The following CDK13 variants were observed in gnomAD, a reference collection of about 807,000 sequenced individuals.
The protein encoded by CDK13 is cyclin dependent kinase 13, also known as cyclin-dependent kinase 13.
In CDK13, 40 loss-of-function variants were observed where a neutral mutation model predicts 137.6. The observed-to-expected ratio is 0.29, with a 90% confidence interval of 0.23 to 0.38. CDK13 has a LOEUF of 0.38. Among genes scored for constraint, CDK13 ranks in the 10% least tolerant of loss-of-function variants. The pLI, the probability that CDK13 is intolerant of heterozygous loss-of-function variation, is 1.00. For synonymous variants in CDK13, 869 were observed against 760.1 expected, an observed-to-expected ratio of 1.14 and a Z score of -2.36; for missense variants, 1,704 against 1,951.8, an observed-to-expected ratio of 0.87 and a Z score of 2.39.
At chr7:39,969,752 C>T (rs774534301) in intron 1 of CDK13, among the ~76,000 whole-genome samples, 5 of 151,998 alleles carry the variant, frequency 3.3e-5, no homozygotes, top group Non-Finnish European at 5.9e-5. Context: ...TTTGCAATTC[C>T]CTAATGATAA....
chr7:40,012,905 CTG>C lies in CDK13; in HGVS notation c.2353+10878_2353+10879del, dbSNP rs1784925714. 2.4e-5 allele frequency among the ~76,000 whole-genome samples: 3 copies of C among 126,874 alleles called. No homozygotes were observed. The South Asian group carries it at 8.2e-4, about 35-fold the overall frequency. The allele number at this position is 126,874 out of a possible 152,430, so 83.2% of individuals were successfully genotyped here. On this transcript the variant is annotated intron_variant, in intron 5 of 13. Coordinates refer to ENST00000181839, the MANE Select transcript of CDK13 (RefSeq NM_003718.5). Reference sequence around the variant, plus strand: ...CCAGCCTGGGCGACCAAGTGAGACTCTGTGTCAAAAAAAAAAAAAAAAAGGGA... The same window carrying C: ...CCAGCCTGGGCGACCAAGTGAGACTCTGTCAAAAAAAAAAAAAAAAAGGGA...
rs368067040 is a variant in CDK13, at chr7:39,987,773, A to C, written c.1386A>C (p.Ala462=). 7.6e-5 allele frequency: 122 copies of C among 1,614,034 alleles called. No individual in the cohort carries two copies. Among genetic ancestry groups the C allele is most frequent in the Non-Finnish European group, 9.3e-5 (110 of 1,180,014 alleles). ...ACAAGAATAAAAAAGCACGAGCAGC[A>C]GAGGCAGCAAGAGCCGCAGAAGCAG... ...ELNKNKKARA[A]EAARAAEAAK... Residue 462 remains alanine, a synonymous_variant, in exon 2 of 14, where the codon GCA becomes GCC. Coordinates refer to ENST00000181839, the MANE Select transcript of CDK13 (RefSeq NM_003718.5).
chr7:39,973,714 TTTATAG>T (rs1784048724), intron 1 of CDK13, among the ~76,000 whole-genome samples: 1 of 152,226 alleles, frequency 6.6e-6, no homozygotes, highest in Admixed American at 6.5e-5. Flanking sequence ...TTCTAAAAAT[TTTATAG>T]TTATAGCTCC....
At chr7:40,019,242 T>G (rs1009365854) in intron 5 of CDK13, among the ~76,000 whole-genome samples, 3 of 152,212 alleles carry the variant, frequency 2.0e-5, no homozygotes, top group African/African-American at 4.8e-5. Flanking sequence ...TGAAAACTAT[T>G]TAAGTCATTC....
At chr7:39,965,924 T>G (rs1195230164) in intron 1 of CDK13, among the ~76,000 whole-genome samples, 1 of 152,206 alleles carries the variant, frequency 6.6e-6, no homozygotes, top group Admixed American at 6.5e-5. Flanking sequence ...ATTCTTTTCT[T>G]TAAGAATGTT....
chr7:40,062,815 G>A lies in CDK13; in HGVS notation c.2601-11G>A, dbSNP rs775988284. 17 of 1,573,858 alleles carry A rather than the reference G, an allele frequency of 1.1e-5. No individual in the cohort carries two copies. The South Asian group carries it at 1.8e-4, about 16-fold the overall frequency. On this transcript the variant is annotated splice_polypyrimidine_tract_variant and intron_variant, in intron 7 of 13. Transcript: ENST00000181839. The stretch of plus-strand genomic sequence containing the variant: ...ATACTAACTCTAAAGACTGTTTTCT[G>A]TGTTTTTTAGTCGGCCGTATACTAA...
intron 12 of CDK13, 75 bp from the exon 13 acceptor site, chr7:40,092,710 A>AC: frequency 9.7e-7 from 1 of 1,030,762 alleles, no homozygotes; most frequent in South Asian, 1.4e-5. Flanking sequence ...ATATGGTAAT[A>AC]CAGAGCCATT....
intron 5 of CDK13, among the ~76,000 whole-genome samples, chr7:40,014,676 G>C (rs114663507): frequency 0.039 from 5,962 of 151,798 alleles, 345 homozygotes; most frequent in African/African-American, 0.13. Flanking sequence ...GGCCAGTCTC[G>C]AACTCCTGGG....
chr7:39,972,113 GAA>G (rs1209826171), intron 1 of CDK13, among the ~76,000 whole-genome samples: 3 of 152,140 alleles, frequency 2.0e-5, no homozygotes, highest in African/African-American at 7.2e-5. Context: ...ATGGTTCAGG[GAA>G]ACATGAAGAC....
chr7:39,955,860 G>A (rs1362543179), intron 1 of CDK13, among the ~76,000 whole-genome samples: 1 of 152,042 alleles, frequency 6.6e-6, no homozygotes, highest in Non-Finnish European at 1.5e-5. Flanking sequence ...ATCCGTGCAA[G>A]AAATTATTAT....
chr7:40,033,162 G>A (rs1785414829), intron 5 of CDK13, among the ~76,000 whole-genome samples: 1 of 152,008 alleles, frequency 6.6e-6, no homozygotes, highest in Admixed American at 6.6e-5. Flanking sequence ...CACCATGTTG[G>A]CCTGGCTGAT....
chr7:39,982,486 G>T (rs550458427), intron 1 of CDK13, among the ~76,000 whole-genome samples: 1 of 152,120 alleles, frequency 6.6e-6, no homozygotes, highest in Non-Finnish European at 1.5e-5. Flanking sequence ...ACATGTGCAT[G>T]TGTCTTTATA....
At chr7:39,962,392 A>C (rs142607295) in intron 1 of CDK13, among the ~76,000 whole-genome samples, 6,304 of 152,294 alleles carry the variant, frequency 0.041, 377 homozygotes, top group African/African-American at 0.14. Context: ...ACCAGTGATG[A>C]TGAGCATCTT....
chr7:40,076,108 C>T (rs1415288985), intron 9 of CDK13, among the ~76,000 whole-genome samples: 1 of 152,182 alleles, frequency 6.6e-6, no homozygotes, highest in Non-Finnish European at 1.5e-5. Flanking sequence ...TGTATTTCTG[C>T]ATCTTGAAAG....
At chr7:39,985,548 A>C (rs1353915552) in intron 1 of CDK13, 5 of 152,278 alleles carry the variant, frequency 3.3e-5, no homozygotes, top group African/African-American at 1.2e-4. Flanking sequence ...AGGAACCTCC[A>C]AACTGTTCTT....
chr7:40,057,612 A>G (rs1786048959), intron 7 of CDK13, among the ~76,000 whole-genome samples: 1 of 152,218 alleles, frequency 6.6e-6, no homozygotes, highest in African/African-American at 2.4e-5. Flanking sequence ...AGCTATGAGT[A>G]TCTGCCACGA....
chr7:40,041,185 G>A (rs915223558), intron 5 of CDK13, among the ~76,000 whole-genome samples: 2 of 152,112 alleles, frequency 1.3e-5, no homozygotes, highest in African/African-American at 4.8e-5. Flanking sequence ...AATTAGCCAG[G>A]AGTGGTGGTG....
chr7:39,990,028 C>G (rs1471469588), intron 2 of CDK13, among the ~76,000 whole-genome samples: 1 of 152,224 alleles, frequency 6.6e-6, no homozygotes, highest in Non-Finnish European at 1.5e-5. Flanking sequence ...TCACGATCCA[C>G]TTGCCTTGGC....
intron 9 of CDK13, among the ~76,000 whole-genome samples, chr7:40,064,798 T>TTC (rs1786241506): frequency 6.6e-6 from 1 of 150,894 alleles, no homozygotes; most frequent in African/African-American, 2.4e-5. Flanking sequence ...TTTTTTTTTT[T>TTC]TCCTGTTTTT....
Sources: gnomAD v4.1 joint callset for allele counts (sites outside exome capture counted in the v4.1 genomes callset) on GRCh38, gnomAD v4.1.1 for gene constraint, MANE v1.5 for transcripts, NCBI Gene and HGNC (gene_info 2026-07-23, HGNC 2026-07-21) for gene names.